ADAM22: variants seen among roughly 807,000 people sequenced by gnomAD.
ADAM22 encodes ADAM metallopeptidase domain 22.
Under a neutral mutation model 144.6 loss-of-function variants are expected in ADAM22, and 65 were observed. The observed-to-expected ratio is 0.45, with a 90% CI of 0.37 to 0.55. ADAM22 has a LOEUF of 0.55. Among genes scored for constraint, ADAM22 ranks in the 20% least tolerant of loss-of-function variants. The pLI, the probability that ADAM22 is intolerant of heterozygous loss-of-function variation, is 0.00. For synonymous variants in ADAM22, 391 were observed against 412.6 expected, an observed-to-expected ratio of 0.95 and a Z score of 0.63; for missense variants, 974 against 1,184.9, an observed-to-expected ratio of 0.82 and a Z score of 2.61.
chr7:88,172,052 G>A (rs980510352), intron 26 of ADAM22, among the ~76,000 whole-genome samples: 1 of 151,676 alleles, frequency 6.6e-6, no homozygotes, highest in African/African-American at 2.4e-5. Context: ...CTAGCATTTC[G>A]TGAGCCTGTT....
At chr7:87,957,340 A>T (rs998623441) in intron 2 of ADAM22, among the ~76,000 whole-genome samples, 1 of 152,210 alleles carries the variant, frequency 6.6e-6, no homozygotes, top group Non-Finnish European at 1.5e-5. Context: ...TTTGTTTAAT[A>T]TAAAAAGCTT....
chr7:88,058,897 T>G (rs1465146035), intron 3 of ADAM22, among the ~76,000 whole-genome samples: 1 of 152,162 alleles, frequency 6.6e-6, no homozygotes, highest in African/African-American at 2.4e-5. Context: ...CCCAGCTAAG[T>G]TTCAGTAACC....
intron 2 of ADAM22, among the ~76,000 whole-genome samples, chr7:87,957,676 G>A (rs1443382869): frequency 6.6e-6 from 1 of 152,108 alleles, no homozygotes; most frequent in Non-Finnish European, 1.5e-5. Context: ...TGCCTCCAGG[G>A]TTCAAGCAAT....
At chr7:87,945,643 G>A (rs1028508339) in intron 2 of ADAM22, among the ~76,000 whole-genome samples, 7 of 151,838 alleles carry the variant, frequency 4.6e-5, no homozygotes, top group Admixed American at 3.9e-4. Context: ...CTCCTGAGTA[G>A]CTGGGATTAC....
At chr7:88,050,040 G>A (rs1463547910) in intron 3 of ADAM22, among the ~76,000 whole-genome samples, 1 of 151,720 alleles carries the variant, frequency 6.6e-6, no homozygotes, top group Non-Finnish European at 1.5e-5. Context: ...ACCTCAAGAT[G>A]CTTTCTTGTT....
chr7:87,999,404 G>C (rs1439310020), intron 3 of ADAM22, among the ~76,000 whole-genome samples: 1 of 111,424 alleles, frequency 9.0e-6, no homozygotes, highest in Non-Finnish European at 2.0e-5. Context: ...ACATGTGCTG[G>C]AATCAAGAAT....
chr7:87,940,181 C>CAAAAA (rs35309253), intron 2 of ADAM22, among the ~76,000 whole-genome samples: 2 of 76,024 alleles, frequency 2.6e-5, no homozygotes, highest in Non-Finnish European at 5.4e-5. Flanking sequence ...GTCTTTATCT[C>CAAAAA]AAAAAAAAAA....
At chr7:88,031,720 G>T in intron 3 of ADAM22, among the ~76,000 whole-genome samples, 1 of 152,250 alleles carries the variant, frequency 6.6e-6, no homozygotes, top group East Asian at 1.9e-4. Flanking sequence ...GACCTTCATG[G>T]CAGCCCCTCC....
At chr7:87,960,040 A>C (rs1206975232) in intron 2 of ADAM22, among the ~76,000 whole-genome samples, 3 of 152,096 alleles carry the variant, frequency 2.0e-5, no homozygotes, top group Non-Finnish European at 4.4e-5. Context: ...CTTCTTATTA[A>C]TCTGGGCCCA....
intron 8 of ADAM22, among the ~76,000 whole-genome samples, chr7:88,127,136 T>C (rs1830613826): frequency 6.6e-6 from 1 of 151,950 alleles, no homozygotes; most frequent in Admixed American, 6.6e-5. Context: ...ATACGTATCT[T>C]GAGGCCCAGT....
chr7:87,959,775 T>C (rs2129445027), intron 2 of ADAM22, among the ~76,000 whole-genome samples: 1 of 152,372 alleles, frequency 6.6e-6, no homozygotes, highest in Non-Finnish European at 1.5e-5. Flanking sequence ...AAGATGACTT[T>C]GCATTTGAAA....
intron 3 of ADAM22, among the ~76,000 whole-genome samples, chr7:87,988,923 A>T (rs1789102470): frequency 6.6e-6 from 1 of 152,204 alleles, no homozygotes; most frequent in South Asian, 2.1e-4. Context: ...TAAAAGAGAA[A>T]TTGTAGTTGC....
At chr7:88,176,741 G>T (rs6465130) in intron 26 of ADAM22, among the ~76,000 whole-genome samples, 19,065 of 152,056 alleles carry the variant, frequency 0.13, 1,856 homozygotes, top group East Asian at 0.48. Flanking sequence ...ATAATAGCTT[G>T]TCTTTATTTT....
intron 4 of ADAM22, among the ~76,000 whole-genome samples, chr7:88,093,754 C>A (rs1820551280): frequency 6.6e-6 from 1 of 152,066 alleles, no homozygotes; most frequent in African/African-American, 2.4e-5. Flanking sequence ...ACCACGTTAC[C>A]CAGGCTGGTC....
At chr7:87,994,063 G>A (rs1584889479) in intron 3 of ADAM22, among the ~76,000 whole-genome samples, 1 of 151,868 alleles carries the variant, frequency 6.6e-6, no homozygotes, top group African/African-American at 2.4e-5. Flanking sequence ...TGAATTTCCT[G>A]ATATAAAGAA....
At chr7:87,986,296 TCACAGA>T (rs1485258687) in intron 3 of ADAM22, among the ~76,000 whole-genome samples, 1 of 152,208 alleles carries the variant, frequency 6.6e-6, no homozygotes, top group Non-Finnish European at 1.5e-5. Context: ...TAACTTCTTC[TCACAGA>T]CACAAAGTCT....
At chr7:88,021,414 G>T (rs987370899) in intron 3 of ADAM22, among the ~76,000 whole-genome samples, 2 of 152,184 alleles carry the variant, frequency 1.3e-5, no homozygotes, top group African/African-American at 4.8e-5. Context: ...ACCCCGGTAT[G>T]TGCCAAAGGT....
chr7:87,936,415 T>C (rs953694340), intron 2 of ADAM22, among the ~76,000 whole-genome samples: 1 of 152,194 alleles, frequency 6.6e-6, no homozygotes, highest in Admixed American at 6.5e-5. Context: ...GGGGCCATAG[T>C]TTCCCTATGT....
Position 88,128,675 on chromosome 7 carries a change from T to C in ADAM22, c.752T>C (p.Met251Thr). 1 of 1,610,650 alleles carries C rather than the reference T, an allele frequency of 6.2e-7. No homozygotes were observed. The highest frequency in any genetic ancestry group is 1.3e-5 in the African/African-American group (1 of 74,874). Reference sequence around the variant, plus strand: ...CTGATGATTGTGAATGATCACCTTATGGTAGGATTTGCTGTTGTTTTTAAG... The same window carrying C: ...CTGATGATTGTGAATGATCACCTTACGGTAGGATTTGCTGTTGTTTTTAAG... ...IELMIVNDHLMFKKHRLSVVH... is the reference protein window; with the variant it reads ...IELMIVNDHLTFKKHRLSVVH... Residue 251 changes from methionine (M) to threonine (T), a missense_variant and splice_region_variant, in exon 9 of 32, where the codon ATG becomes ACG. Met to Thr is a moderately conservative substitution (Grantham distance 81, BLOSUM62 -1). Around this residue, in one of 2 missense-constraint regions of ADAM22, gnomAD observed 734 missense variants for 950.6 expected, o/e 0.77. Coordinates refer to ENST00000413139, the MANE Select transcript of ADAM22 (RefSeq NM_001324418.2).
Sources: allele counts gnomAD v4.1 joint callset (sites outside exome capture counted in the v4.1 genomes callset), GRCh38; gene constraint gnomAD v4.1.1; regional missense constraint gnomAD v4.1.1; transcripts MANE v1.5; gene names NCBI Gene and HGNC (gene_info 2026-07-23, HGNC 2026-07-21).